The following NOX4 variants were observed in gnomAD, a reference collection of about 807,000 sequenced individuals.
NOX4 encodes the protein kidney oxidase-1.
Under a neutral mutation model 87.6 loss-of-function variants are expected in NOX4, and 69 were observed. The observed-to-expected ratio is 0.79, with a 90% confidence interval of 0.65 to 0.96. The LOEUF (loss-of-function observed/expected upper bound fraction) is 0.96. NOX4 is among the 40% of genes least tolerant of loss of function. The probability of loss-of-function intolerance (pLI) is 0.00; values close to 1 mark genes in which losing one functional copy is unlikely to be tolerated. For missense variants in NOX4, 680 were observed against 681.5 expected (o/e 1.00, Z 0.02); for synonymous variants, 275 against 238.2 (o/e 1.15, Z -1.42).
At chr11:89,550,973 A>G in the NOX4 span, among the ~76,000 whole-genome samples, 2 of 152,200 alleles carry the variant, frequency 1.3e-5, no homozygotes, top group African/African-American at 4.8e-5. Context: ...AGGTATAAAG[A>G]AGGGCTCCAG....
the NOX4 span, among the ~76,000 whole-genome samples, chr11:89,563,660 T>C: frequency 4.9e-3 from 748 of 152,330 alleles, 3 homozygotes; most frequent in African/African-American, 0.01. Context: ...GTAACTTTAA[T>C]AGACAGTTGA....
intron 7 of NOX4, among the ~76,000 whole-genome samples, chr11:89,425,728 G>C (rs1943362130): frequency 6.6e-6 from 1 of 152,038 alleles, no homozygotes; most frequent in African/African-American, 2.4e-5. Context: ...CATATGTACA[G>C]TATTAATCTT....
At chr11:89,376,212 T>C (rs1428425189) in intron 11 of NOX4, among the ~76,000 whole-genome samples, 3 of 152,190 alleles carry the variant, frequency 2.0e-5, no homozygotes, top group African/African-American at 7.2e-5. Context: ...CTGATACTTC[T>C]CCAAACTAAG....
upstream of NOX4, among the ~76,000 whole-genome samples, chr11:89,501,011 T>C (rs1320766322): frequency 6.6e-6 from 1 of 152,076 alleles, no homozygotes; most frequent in East Asian, 1.9e-4. Context: ...TCCTTTGATA[T>C]GCCATTACAA....
At chr11:89,356,684 C>T (rs1245441728) in intron 12 of NOX4, among the ~76,000 whole-genome samples, 1 of 152,106 alleles carries the variant, frequency 6.6e-6, no homozygotes. Flanking sequence ...GTTTATCACA[C>T]TATGTTTTAT....
chr11:89,475,234 T>A (rs1305079347), intron 2 of NOX4, among the ~76,000 whole-genome samples: 1 of 151,944 alleles, frequency 6.6e-6, no homozygotes, highest in Admixed American at 6.6e-5. Context: ...GGTGGTTATG[T>A]GTGAGTGATG....
intron 11 of NOX4, among the ~76,000 whole-genome samples, chr11:89,399,754 T>G (rs1316592038): frequency 6.6e-6 from 1 of 151,754 alleles, no homozygotes; most frequent in Non-Finnish European, 1.5e-5. Flanking sequence ...CCTGAGTCAC[T>G]GTGCTTGGCC....
chr11:89,561,045 TC>T, the NOX4 span, among the ~76,000 whole-genome samples: 3 of 37,516 alleles, frequency 8.0e-5, no homozygotes, highest in Non-Finnish European at 1.4e-4. Context: ...TACACATATA[TC>T]ATACATATAT....
the NOX4 span, among the ~76,000 whole-genome samples, chr11:89,532,701 G>A: frequency 6.6e-6 from 1 of 152,086 alleles, no homozygotes; most frequent in Non-Finnish European, 1.5e-5. Context: ...GGGGCCAGGG[G>A]CAGAATGATA....
chr11:89,502,085 A>C (rs1046567464), upstream of NOX4, among the ~76,000 whole-genome samples: 2 of 152,162 alleles, frequency 1.3e-5, no homozygotes, highest in Non-Finnish European at 2.9e-5. Context: ...TTTCAGCTGC[A>C]GCAGTAACTG....
chr11:89,365,243 G>A (rs1938868057), intron 12 of NOX4, among the ~76,000 whole-genome samples: 1 of 151,986 alleles, frequency 6.6e-6, no homozygotes, highest in Non-Finnish European at 1.5e-5. Context: ...AGTGATAAAA[G>A]TCTATTTCTG....
chr11:89,522,134 T>G, the NOX4 span, among the ~76,000 whole-genome samples: 32 of 152,254 alleles, frequency 2.1e-4, no homozygotes, highest in African/African-American at 7.0e-4. Context: ...ACAAAGAACT[T>G]AGGACAGAAC....
the NOX4 span, among the ~76,000 whole-genome samples, chr11:89,547,295 A>T: frequency 1.3e-5 from 2 of 152,172 alleles, no homozygotes; most frequent in Non-Finnish European, 2.9e-5. Context: ...AAACAACAGT[A>T]AGCAAAGATT....
chr11:89,570,519 G>C, the NOX4 span, among the ~76,000 whole-genome samples: 1 of 152,166 alleles, frequency 6.6e-6, no homozygotes, highest in Non-Finnish European at 1.5e-5. Flanking sequence ...AGAAAAAAAA[G>C]TGATTTTCAA....
rs370018386 is a variant in NOX4, at chr11:89,408,201, A to C, written c.630-5659T>G. Among the ~76,000 whole-genome samples the C allele has an allele frequency of 5.9e-5, 9 of 152,144 alleles. No homozygotes were observed. The East Asian group carries it at 1.5e-3, about 26-fold the overall frequency. On this transcript the variant is annotated intron_variant, in intron 8 of 17. Coordinates refer to ENST00000263317, the MANE Select transcript of NOX4 (RefSeq NM_016931.5). Reference sequence around the variant, plus strand: ...CCACTGCTATTTTTCTACTGCCTAAAATAGTGCTTATGACTTATAATAAGT... The same window carrying C: ...CCACTGCTATTTTTCTACTGCCTAACATAGTGCTTATGACTTATAATAAGT...
intron 11 of NOX4, among the ~76,000 whole-genome samples, chr11:89,376,574 C>T (rs371713029): frequency 1.3e-5 from 2 of 152,040 alleles, no homozygotes; most frequent in African/African-American, 4.8e-5. Context: ...TGTAGTTAAG[C>T]ACATATTAAT....
the NOX4 span, among the ~76,000 whole-genome samples, chr11:89,584,582 A>G: frequency 6.6e-6 from 1 of 152,168 alleles, no homozygotes; most frequent in African/African-American, 2.4e-5. Flanking sequence ...AAACAGTTTG[A>G]ATGTCAGTTA....
chr11:89,401,993 T>G (rs1449122401), intron 9 of NOX4, among the ~76,000 whole-genome samples: 2 of 151,882 alleles, frequency 1.3e-5, no homozygotes, highest in African/African-American at 2.4e-5. Context: ...TGGTGGTAGG[T>G]TTTTTTAACT....
chr11:89,339,404 A>T (rs1945874490), intron 15 of NOX4, among the ~76,000 whole-genome samples: 1 of 152,162 alleles, frequency 6.6e-6, no homozygotes, highest in Non-Finnish European at 1.5e-5. Flanking sequence ...CTTAAGAGTT[A>T]CCTCTGTTTA....
Sources: gnomAD v4.1 joint callset for allele counts (sites outside exome capture counted in the v4.1 genomes callset) on GRCh38, gnomAD v4.1.1 for gene constraint, MANE v1.5 for transcripts, NCBI Gene and HGNC (gene_info 2026-07-23, HGNC 2026-07-21) for gene names.